PTGR1: variants seen among roughly 807,000 people sequenced by gnomAD.
The protein encoded by PTGR1 is prostaglandin reductase 1.
In PTGR1, 23 loss-of-function variants were observed where a neutral mutation model predicts 37.7. That is an observed-to-expected ratio of 0.61 (90% confidence interval 0.44 to 0.86). The LOEUF (loss-of-function observed/expected upper bound fraction) is 0.86. Among genes scored for constraint, PTGR1 ranks in the 40% least tolerant of loss-of-function variants. PTGR1 has a pLI of 0.00. For missense variants in PTGR1, 351 were observed against 394.3 expected, an observed-to-expected ratio of 0.89 and a Z score of 0.93; for synonymous variants, 134 against 140.0, an observed-to-expected ratio of 0.96 and a Z score of 0.30.
chr9:111,551,053 A>G (rs1320753205), intron 9 of PTGR1, among the ~76,000 whole-genome samples: 1 of 152,254 alleles, frequency 6.6e-6, no homozygotes, highest in Non-Finnish European at 1.5e-5. Context: ...ACAGTAATAT[A>G]ATGTGAGCCA....
intron 9 of PTGR1, among the ~76,000 whole-genome samples, chr9:111,557,080 C>G (rs1828144740): frequency 6.6e-6 from 1 of 152,176 alleles, no homozygotes; most frequent in Non-Finnish European, 1.5e-5. Flanking sequence ...AAGCATTTTC[C>G]CCATTGTCTT....
chr9:111,571,955 T>A (rs1589300725), intron 8 of PTGR1, among the ~76,000 whole-genome samples: 1 of 152,260 alleles, frequency 6.6e-6, no homozygotes, highest in East Asian at 1.9e-4. Flanking sequence ...AAGAAAAAGT[T>A]TTTTGGTTGC....
intron 7 of PTGR1, chr9:111,576,574 A>G (rs185580510): frequency 1.4e-5 from 11 of 764,860 alleles, no homozygotes; most frequent in Non-Finnish European, 2.2e-5. Flanking sequence ...TAGGCAAGTT[A>G]CTTAACACTT....
At chr9:111,566,683 T>G (rs73656266) in intron 9 of PTGR1, among the ~76,000 whole-genome samples, 2,471 of 152,304 alleles carry the variant, frequency 0.016, 69 homozygotes, top group African/African-American at 0.056. Context: ...ATTCATTTAT[T>G]CAGCAATATT....
At chr9:111,565,484 G>A (rs750068323) in intron 9 of PTGR1, among the ~76,000 whole-genome samples, 8 of 152,176 alleles carry the variant, frequency 5.3e-5, no homozygotes, top group Non-Finnish European at 8.8e-5. Context: ...GGAGCTCTCT[G>A]TACTATCTTC....
Position 111,562,943 on chromosome 9 carries a change from G to A in PTGR1, c.*178C>T. 3 of 1,387,436 alleles carry A rather than the reference G, an allele frequency of 2.2e-6. No homozygotes were observed. The highest frequency in any genetic ancestry group is 2.8e-6 in the Non-Finnish European group (3 of 1,073,166). The allele number at this position is 1,387,436 out of a possible 1,614,324, so 85.9% of individuals were successfully genotyped here. A position where few individuals can be genotyped will look rare whatever the true frequency, so the allele number is the denominator to read the frequency against. ...GAGGTGACTGGTTGTTGTTGACTTT[G>A]AAACTTCCATCCTCCATCACTAATT... On this transcript the variant is annotated 3_prime_UTR_variant, in exon 10 of 10. Transcript: ENST00000407693.
chr9:111,588,909 C>T (rs1172358538), intron 4 of PTGR1, among the ~76,000 whole-genome samples: 3 of 152,170 alleles, frequency 2.0e-5, no homozygotes, highest in Non-Finnish European at 4.4e-5. Flanking sequence ...CCTCGACCTC[C>T]TGAAGTGCTG....
chr9:111,564,392 A>G, intron 9 of PTGR1: 1 of 265,526 alleles, frequency 3.8e-6, no homozygotes, highest in Non-Finnish European at 6.2e-6. Flanking sequence ...TGCAGTCTCA[A>G]CCTCCTGGGC....
downstream of PTGR1, among the ~76,000 whole-genome samples, chr9:111,561,136 G>GGTGGCAGTGAGTGGAGATCGC (rs1828294799): frequency 1.9e-5 from 1 of 52,124 alleles, no homozygotes; most frequent in Non-Finnish European, 3.4e-5. Flanking sequence ...GAGAGAGAGA[G>GGTGGCAGTGAGTGGAGATCGC]AGGAGAGAGA....
chr9:111,561,709 A>AC (rs1828328475), downstream of PTGR1, among the ~76,000 whole-genome samples: 1 of 152,166 alleles, frequency 6.6e-6, no homozygotes, highest in Non-Finnish European at 1.5e-5. Context: ...TCTGTAGAGG[A>AC]CCAGTATGGA....
intron 8 of PTGR1, among the ~76,000 whole-genome samples, chr9:111,570,920 T>C (rs1034847180): frequency 2.6e-5 from 4 of 151,936 alleles, no homozygotes; most frequent in African/African-American, 4.8e-5. Context: ...TATGGGGTGA[T>C]AGAAGCAGAG....
At position 111,557,451 on chromosome 9, in the gene PTGR1, T is replaced by G. The variant is rs200074313; in HGVS notation, c.880-7652A>C. ...ACAGGAAAACTCATTATCTTTTTTT[T>G]GCTTTTTTTTTGGAGATGGAGTCTC... On this transcript the variant is annotated intron_variant, in intron 9 of 9. Transcript: ENST00000538962. Among the ~76,000 whole-genome samples, 9 of 138,340 alleles carry G rather than the reference T, an allele frequency of 6.5e-5. No homozygotes were observed. In the East Asian group the frequency reaches 2.0e-3, roughly 31 times the overall value. 90.8% of individuals were successfully genotyped at this position (138,340 alleles called of 152,430 possible).
At chr9:111,561,110 T>TATATATATATATAG (rs1457364862), downstream of PTGR1, among the ~76,000 whole-genome samples, 3 of 19,192 alleles carry the variant, frequency 1.6e-4, no homozygotes, top group Non-Finnish European at 2.5e-4. Context: ...TATATATATA[T>TATATATATATATAG]AGAGAGAGAG....
chr9:111,595,406 A>G (rs1316971519), intron 2 of PTGR1, among the ~76,000 whole-genome samples: 1 of 152,116 alleles, frequency 6.6e-6, no homozygotes, highest in Non-Finnish European at 1.5e-5. Context: ...CCACATTTAA[A>G]CCATTATGTT....
At chr9:111,554,493 A>G (rs1828063928) in intron 9 of PTGR1, among the ~76,000 whole-genome samples, 1 of 152,122 alleles carries the variant, frequency 6.6e-6, no homozygotes, top group Non-Finnish European at 1.5e-5. Flanking sequence ...CCCCTTATCC[A>G]TGGGGGATAT....
At chr9:111,579,412 T>G (rs1256777745) in intron 6 of PTGR1, among the ~76,000 whole-genome samples, 1 of 152,182 alleles carries the variant, frequency 6.6e-6, no homozygotes, top group African/African-American at 2.4e-5. Flanking sequence ...TTTATATTTT[T>G]TTGAGACATG....
chr9:111,555,849 A>G (rs188990618), intron 9 of PTGR1, among the ~76,000 whole-genome samples: 1 of 152,294 alleles, frequency 6.6e-6, no homozygotes, highest in East Asian at 1.9e-4. Flanking sequence ...GCCAAACTAT[A>G]TCATTCCACC....
intron 4 of PTGR1, 22 bp from the exon 5 acceptor site, chr9:111,586,187 G>A: frequency 1.2e-6 from 2 of 1,608,326 alleles, no homozygotes; most frequent in Non-Finnish European, 1.7e-6. Flanking sequence ...AGCACATTAA[G>A]GCATTAAGGC....
intron 4 of PTGR1, among the ~76,000 whole-genome samples, chr9:111,590,166 C>T (rs1022371068): frequency 6.6e-6 from 1 of 151,960 alleles, no homozygotes; most frequent in Admixed American, 6.6e-5. Flanking sequence ...AGGAAAAGGG[C>T]AAAGGATATA....
Sources: gnomAD v4.1 joint callset for allele counts (sites outside exome capture counted in the v4.1 genomes callset) on GRCh38, gnomAD v4.1.1 for gene constraint, MANE v1.5 for transcripts, NCBI Gene and HGNC (gene_info 2026-07-23, HGNC 2026-07-21) for gene names.